Variants in ROBO1 observed in about 807,000 individuals in gnomAD.
The protein encoded by ROBO1 is roundabout homolog 1.
ROBO1 carries 149 observed loss-of-function variants against 195.9 expected under a neutral mutation model. That is an observed-to-expected ratio of 0.76 (90% CI 0.67 to 0.87). ROBO1 has a LOEUF of 0.87. Ranked by LOEUF, ROBO1 falls within the 40% of genes least tolerant of loss-of-function variation. The pLI is 0.00. For synonymous variants in ROBO1, 816 were observed against 733.2 expected (o/e 1.11, Z -1.82); for missense variants, 1,933 against 2,068.3 (o/e 0.93, Z 1.27).
intron 5 of ROBO1, among the ~76,000 whole-genome samples, chr3:78,720,951 G>T (rs1332159026): frequency 3.6e-5 from 5 of 139,994 alleles, no homozygotes; most frequent in Admixed American, 7.0e-5. Flanking sequence ...TTGTGGGGTT[G>T]GGGGGGGGGC....
At chr3:78,702,835 TG>T (rs567103143) in intron 8 of ROBO1, among the ~76,000 whole-genome samples, 128 of 152,286 alleles carry the variant, frequency 8.4e-4, no homozygotes, top group Middle Eastern at 3.4e-3. Context: ...GGAAGGCCTA[TG>T]ATGCGCTATT....
At chr3:78,616,152 A>C (rs918787411) in intron 27 of ROBO1, among the ~76,000 whole-genome samples, 1 of 152,114 alleles carries the variant, frequency 6.6e-6, no homozygotes, top group Non-Finnish European at 1.5e-5. Flanking sequence ...TTACAGATGA[A>C]TTTTCAATGT....
chr3:79,135,576 A>T (rs1489041833), intron 2 of ROBO1, among the ~76,000 whole-genome samples: 2 of 152,238 alleles, frequency 1.3e-5, no homozygotes, highest in African/African-American at 4.8e-5. Flanking sequence ...ATGGTTGAAT[A>T]AAAACTATCT....
At chr3:78,783,611 T>G (rs2083746398) in intron 4 of ROBO1, among the ~76,000 whole-genome samples, 1 of 152,190 alleles carries the variant, frequency 6.6e-6, no homozygotes, top group African/African-American at 2.4e-5. Flanking sequence ...AAGATTCTGA[T>G]TTCAGGAAAA....
intron 2 of ROBO1, among the ~76,000 whole-genome samples, chr3:79,389,840 G>A (rs779728748): frequency 1.6e-4 from 25 of 152,146 alleles, no homozygotes; most frequent in Non-Finnish European, 3.4e-4. Flanking sequence ...ATGGCCAAAG[G>A]AAGAGTTTGG....
chr3:79,278,890 T>C (rs2031281055), intron 2 of ROBO1, among the ~76,000 whole-genome samples: 1 of 152,026 alleles, frequency 6.6e-6, no homozygotes, highest in Non-Finnish European at 1.5e-5. Flanking sequence ...ACCACCAACA[T>C]AGTGCAAAAC....
intron 1 of ROBO1, among the ~76,000 whole-genome samples, chr3:79,617,928 A>G (rs1481866447): frequency 6.6e-6 from 1 of 151,456 alleles, no homozygotes; most frequent in African/African-American, 2.4e-5. Flanking sequence ...TATTAAAAAA[A>G]AAAAAAAGAA....
chr3:78,831,852 C>T (rs1403166119), intron 4 of ROBO1, among the ~76,000 whole-genome samples: 1 of 152,160 alleles, frequency 6.6e-6, no homozygotes, highest in East Asian at 1.9e-4. Flanking sequence ...ATAAAACCAT[C>T]AGATTTTGTG....
intron 3 of ROBO1, among the ~76,000 whole-genome samples, chr3:79,000,784 G>A (rs1438592360): frequency 6.6e-6 from 1 of 152,078 alleles, no homozygotes; most frequent in East Asian, 1.9e-4. Flanking sequence ...TATACCCAAA[G>A]GATTATAAAT....
In ROBO1 at chr3:79,505,080, T is replaced by A. The variant is rs117691667; in HGVS notation, c.88+84744A>T. On this transcript the variant is annotated intron_variant, in intron 2 of 30. Coordinates refer to ENST00000464233, the MANE Select transcript of ROBO1 (RefSeq NM_002941.4). ...ATCCCTTAACAATTATGTTCTTACT[T>A]ATATTAAAATGAATTCCTGTATAAT... Among the ~76,000 whole-genome samples the A allele has an allele frequency of 3.0e-4, 45 of 152,302 alleles. 3 individuals are homozygous for A. In the East Asian group the frequency reaches 8.7e-3, roughly 29 times the overall value.
chr3:79,509,771 T>C (rs933732078), intron 2 of ROBO1, among the ~76,000 whole-genome samples: 3 of 152,120 alleles, frequency 2.0e-5, no homozygotes, highest in African/African-American at 7.2e-5. Context: ...TTAACCCCCC[T>C]CCATGAAACA....
At chr3:79,565,728 G>A (rs1687829963) in intron 2 of ROBO1, among the ~76,000 whole-genome samples, 1 of 152,060 alleles carries the variant, frequency 6.6e-6, no homozygotes, top group Admixed American at 6.6e-5. Flanking sequence ...CATAATACCA[G>A]TAGGTCCCAA....
At chr3:79,433,996 G>GA (rs2038786952) in intron 2 of ROBO1, among the ~76,000 whole-genome samples, 1 of 152,140 alleles carries the variant, frequency 6.6e-6, no homozygotes, top group African/African-American at 2.4e-5. Flanking sequence ...ATCGTGCTGG[G>GA]AAAACTGGCT....
At chr3:79,128,352 C>T (rs2108580050) in intron 2 of ROBO1, among the ~76,000 whole-genome samples, 1 of 152,246 alleles carries the variant, frequency 6.6e-6, no homozygotes, top group African/African-American at 2.4e-5. Context: ...ATCTAAATTC[C>T]TGAGGATCAG....
intron 1 of ROBO1, among the ~76,000 whole-genome samples, chr3:79,619,063 C>T (rs540493960): frequency 1.3e-5 from 2 of 151,966 alleles, no homozygotes; most frequent in African/African-American, 2.4e-5. Flanking sequence ...GGACACCTGC[C>T]CTCATCATTC....
At chr3:79,695,689 AG>A (rs1399931944) in intron 1 of ROBO1, among the ~76,000 whole-genome samples, 1 of 151,456 alleles carries the variant, frequency 6.6e-6, no homozygotes, top group Non-Finnish European at 1.5e-5. Flanking sequence ...CTATTAACAA[AG>A]AATTATGTTG....
chr3:78,962,846 A>AAC (rs1560055186), intron 3 of ROBO1, among the ~76,000 whole-genome samples: 1 of 150,450 alleles, frequency 6.6e-6, no homozygotes, highest in African/African-American at 2.5e-5. Context: ...AAAAAAAAAA[A>AAC]AAACTTTTCA....
intron 4 of ROBO1, among the ~76,000 whole-genome samples, chr3:78,791,111 G>A (rs906676985): frequency 1.3e-5 from 2 of 152,190 alleles, no homozygotes; most frequent in African/African-American, 4.8e-5. Flanking sequence ...GGCCCTGCCA[G>A]TGAGAACAAA....
intron 19 of ROBO1, among the ~76,000 whole-genome samples, chr3:78,650,133 C>G (rs1454465053): frequency 6.6e-6 from 1 of 152,084 alleles, no homozygotes; most frequent in Admixed American, 6.6e-5. Context: ...CTACCCCTTC[C>G]CCACTCCACC....
Sources: allele counts gnomAD v4.1 joint callset (sites outside exome capture counted in the v4.1 genomes callset), GRCh38; gene constraint gnomAD v4.1.1; transcripts MANE v1.5; gene names NCBI Gene and HGNC (gene_info 2026-07-23, HGNC 2026-07-21).